The following SOX6 variants were observed in gnomAD, a reference collection of about 807,000 sequenced individuals.
SOX6 encodes the protein transcription factor SOX-6.
Under a neutral mutation model 97.8 loss-of-function variants are expected in SOX6, and 11 were observed. That is an observed-to-expected ratio of 0.11 (90% CI 0.07 to 0.19). SOX6 has a LOEUF of 0.19. Among genes scored for constraint, SOX6 ranks in the 10% least tolerant of loss-of-function variants. The pLI is 1.00. For missense variants in SOX6, 810 were observed against 1,039.5 expected, an observed-to-expected ratio of 0.78 and a Z score of 3.04; for synonymous variants, 360 against 371.4, an observed-to-expected ratio of 0.97 and a Z score of 0.35.
At chr11:16,623,159 T>G (rs1848569116) in intron 3 of SOX6, among the ~76,000 whole-genome samples, 1 of 152,064 alleles carries the variant, frequency 6.6e-6, no homozygotes, top group Non-Finnish European at 1.5e-5. Flanking sequence ...TAGCTGGGAT[T>G]ACAGGGGCGC....
At chr11:16,574,433 G>A (rs1847964369) in intron 4 of SOX6, among the ~76,000 whole-genome samples, 1 of 151,900 alleles carries the variant, frequency 6.6e-6, no homozygotes, top group Admixed American at 6.6e-5. Context: ...ACATCCATAA[G>A]AGGAAAAAAA....
At chr11:16,646,264 G>T (rs898039531) in intron 3 of SOX6, 1 of 152,240 alleles carries the variant, frequency 6.6e-6, no homozygotes, top group South Asian at 2.1e-4. Flanking sequence ...ACACAGACTT[G>T]TGGCAAAGCT....
At chr11:16,448,766 T>C (rs776093643) in intron 1 of SOX6, among the ~76,000 whole-genome samples, 40 of 152,318 alleles carry the variant, frequency 2.6e-4, no homozygotes, top group Non-Finnish European at 5.0e-4. Flanking sequence ...GTACAGTGGC[T>C]TATGCCTGTA....
At chr11:16,200,073 G>A (rs776381502) in intron 4 of SOX6, among the ~76,000 whole-genome samples, 1 of 152,112 alleles carries the variant, frequency 6.6e-6, no homozygotes, top group Non-Finnish European at 1.5e-5. Flanking sequence ...ACAGATGATT[G>A]ATAAATTAAT....
intron 4 of SOX6, among the ~76,000 whole-genome samples, chr11:16,535,739 C>A (rs1861299417): frequency 6.6e-6 from 1 of 152,018 alleles, no homozygotes; most frequent in Non-Finnish European, 1.5e-5. Flanking sequence ...TTTTATTTTC[C>A]ATAAATGCAA....
At position 16,055,960 on chromosome 11, in the gene SOX6, A is replaced by G. The variant is rs1224750184; in HGVS notation, c.1102-59T>C. 4 of 1,591,168 alleles carry G rather than the reference A, an allele frequency of 2.5e-6. No individual in the cohort carries two copies. In the East Asian group the frequency reaches 9.0e-5, roughly 36 times the overall value. ...TAAATGCAGCTGAAATTGAGTTTCA[A>G]AAGAAAAAACTTACCATATTGTTAG... On this transcript the variant is annotated intron_variant, in intron 9 of 15. Coordinates refer to ENST00000683767, the MANE Select transcript of SOX6 (RefSeq NM_001367873.1).
intron 1 of SOX6, among the ~76,000 whole-genome samples, chr11:16,343,022 T>C (rs917095296): frequency 6.6e-6 from 1 of 151,862 alleles, no homozygotes; most frequent in African/African-American, 2.4e-5. Flanking sequence ...ATAAATCAGA[T>C]ATATTCTTGA....
At chr11:16,695,036 A>G (rs775678835) in intron 3 of SOX6, among the ~76,000 whole-genome samples, 1 of 152,184 alleles carries the variant, frequency 6.6e-6, no homozygotes, top group Non-Finnish European at 1.5e-5. Context: ...AAGAGGCTTG[A>G]GCATATGTGG....
intron 1 of SOX6, among the ~76,000 whole-genome samples, chr11:16,381,620 T>C (rs1181623994): frequency 6.6e-6 from 1 of 152,064 alleles, no homozygotes; most frequent in Non-Finnish European, 1.5e-5. Flanking sequence ...TATATTTATA[T>C]ACATTCTTCA....
At chr11:16,447,848 G>A (rs1859644158) in intron 1 of SOX6, among the ~76,000 whole-genome samples, 1 of 152,194 alleles carries the variant, frequency 6.6e-6, no homozygotes, top group Admixed American at 6.5e-5. Flanking sequence ...CATACAAGAA[G>A]AAGGTGCATA....
intron 3 of SOX6, among the ~76,000 whole-genome samples, chr11:16,696,296 A>G (rs984053483): frequency 1.3e-5 from 2 of 152,214 alleles, no homozygotes; most frequent in African/African-American, 2.4e-5. Flanking sequence ...GTCATTAGAT[A>G]TATAACCTTG....
At chr11:16,189,416 CAT>C (rs1491247762) in intron 4 of SOX6, among the ~76,000 whole-genome samples, 2 of 30,824 alleles carry the variant, frequency 6.5e-5, no homozygotes, top group African/African-American at 1.9e-4. Flanking sequence ...TGTGTGTGTG[CAT>C]GTGTGTGTGT....
At chr11:16,540,949 T>A (rs939674640) in intron 4 of SOX6, among the ~76,000 whole-genome samples, 1 of 152,172 alleles carries the variant, frequency 6.6e-6, no homozygotes, top group Non-Finnish European at 1.5e-5. Flanking sequence ...AATGACTTTC[T>A]TCACAGAATT....
At chr11:16,372,729 A>G (rs957444865) in intron 1 of SOX6, among the ~76,000 whole-genome samples, 1 of 152,212 alleles carries the variant, frequency 6.6e-6, no homozygotes, top group South Asian at 2.1e-4. Flanking sequence ...ATCATCATTA[A>G]CCACCCTTGA....
chr11:16,063,543 T>C (rs1848018727), intron 9 of SOX6, among the ~76,000 whole-genome samples: 1 of 93,992 alleles, frequency 1.1e-5, no homozygotes, highest in South Asian at 3.6e-4. Flanking sequence ...TATATATATA[T>C]ATATATATAT....
chr11:16,510,597 C>T (rs960958751), intron 4 of SOX6, among the ~76,000 whole-genome samples: 56 of 152,162 alleles, frequency 3.7e-4, no homozygotes, highest in African/African-American at 1.3e-3. Flanking sequence ...AGAAATATTT[C>T]ATTGTATAGT....
chr11:16,616,619 T>G (rs949596602), intron 3 of SOX6, among the ~76,000 whole-genome samples: 9 of 151,970 alleles, frequency 5.9e-5, no homozygotes, highest in Non-Finnish European at 1.2e-4. Flanking sequence ...GGATTTATCT[T>G]TTTACTTTTA....
At chr11:16,511,387 G>A (rs183880283) in intron 4 of SOX6, among the ~76,000 whole-genome samples, 7 of 152,164 alleles carry the variant, frequency 4.6e-5, no homozygotes, top group Admixed American at 3.3e-4. Flanking sequence ...TAACACTCTA[G>A]GGAGGATTAA....
intron 15 of SOX6, among the ~76,000 whole-genome samples, chr11:15,979,109 C>T (rs549167281): frequency 2.3e-4 from 33 of 141,722 alleles, no homozygotes; most frequent in African/African-American, 8.2e-4. Context: ...GTCTCAACCT[C>T]ATAGGTGCAG....
Sources: allele counts gnomAD v4.1 joint callset (sites outside exome capture counted in the v4.1 genomes callset), GRCh38; gene constraint gnomAD v4.1.1; transcripts MANE v1.5; gene names NCBI Gene and HGNC (gene_info 2026-07-23, HGNC 2026-07-21).